GATAD2B: variants seen among roughly 807,000 people sequenced by gnomAD.
GATAD2B encodes the protein GATA zinc finger domain containing 2B.
A neutral mutation model predicts 64.3 loss-of-function variants in GATAD2B; 8 were observed. The observed-to-expected ratio is 0.12, with a 90% CI of 0.07 to 0.22. The LOEUF (loss-of-function observed/expected upper bound fraction) is 0.22. Among genes scored for constraint, GATAD2B ranks in the 10% least tolerant of loss-of-function variants. The pLI, the probability that GATAD2B is intolerant of heterozygous loss-of-function variation, is 1.00. For missense variants in GATAD2B, 453 were observed against 752.0 expected (o/e 0.60, Z 4.65); for synonymous variants, 281 against 271.3 (o/e 1.04, Z -0.35).
chr1:153,865,800 T>A (rs1348609082), intron 1 of GATAD2B, among the ~76,000 whole-genome samples: 1 of 152,128 alleles, frequency 6.6e-6, no homozygotes, highest in East Asian at 1.9e-4. Context: ...GAGGTGGACA[T>A]GACAGGGAAA....
At chr1:153,840,935 C>T (rs1306984152) in intron 1 of GATAD2B, among the ~76,000 whole-genome samples, 1 of 151,944 alleles carries the variant, frequency 6.6e-6, no homozygotes, top group Non-Finnish European at 1.5e-5. Flanking sequence ...ACCATCCTGG[C>T]TGACACGGTG....
intron 4 of GATAD2B, among the ~76,000 whole-genome samples, chr1:153,818,522 G>A (rs1255917810): frequency 1.3e-5 from 2 of 151,850 alleles, no homozygotes; most frequent in African/African-American, 4.8e-5. Flanking sequence ...CACCATGTTA[G>A]CCAGGATGCT....
chr1:153,861,872 A>G (rs1245719282), intron 1 of GATAD2B, among the ~76,000 whole-genome samples: 2 of 145,982 alleles, frequency 1.4e-5, no homozygotes, highest in Non-Finnish European at 3.0e-5. Context: ...ATGTATATAT[A>G]TGTGTATATA....
intron 1 of GATAD2B, among the ~76,000 whole-genome samples, chr1:153,838,845 C>A (rs1457674186): frequency 2.6e-5 from 4 of 152,090 alleles, no homozygotes; most frequent in African/African-American, 9.7e-5. Context: ...CACAGTGGCT[C>A]ACGCCTGTAA....
At chr1:153,847,736 T>G (rs1463347793) in intron 1 of GATAD2B, among the ~76,000 whole-genome samples, 2 of 152,196 alleles carry the variant, frequency 1.3e-5, no homozygotes, top group Non-Finnish European at 2.9e-5. Context: ...TCCCTAGAAC[T>G]CCTATGAGAT....
chr1:153,819,532 A>T (rs887855468), intron 3 of GATAD2B, 74 bp downstream of exon 3: 12 of 1,087,210 alleles, frequency 1.1e-5, no homozygotes, highest in Non-Finnish European at 1.6e-5. Context: ...CAAAAAACAG[A>T]ACTAAATCTC....
At chr1:153,908,006 T>C (rs1678000422) in intron 1 of GATAD2B, among the ~76,000 whole-genome samples, 1 of 152,196 alleles carries the variant, frequency 6.6e-6, no homozygotes, top group African/African-American at 2.4e-5. Context: ...GGTTTCACCA[T>C]GTTGCTAAGA....
chr1:153,831,698 A>G (rs1316940551), intron 1 of GATAD2B, among the ~76,000 whole-genome samples: 3 of 152,200 alleles, frequency 2.0e-5, no homozygotes, highest in Admixed American at 2.0e-4. Flanking sequence ...GAGGGACTAG[A>G]AAGTGGAGTG....
intron 7 of GATAD2B, among the ~76,000 whole-genome samples, chr1:153,815,459 T>C (rs969236588): frequency 5.9e-5 from 9 of 151,986 alleles, no homozygotes; most frequent in Non-Finnish European, 8.8e-5. Context: ...AACAATCTTT[T>C]TTTTTTTACT....
intron 8 of GATAD2B, among the ~76,000 whole-genome samples, chr1:153,812,507 G>C (rs1339381897): frequency 2.0e-5 from 3 of 152,204 alleles, no homozygotes; most frequent in African/African-American, 7.2e-5. Context: ...CTCCAGGAAA[G>C]CTGGCTCTAA....
intron 1 of GATAD2B, among the ~76,000 whole-genome samples, chr1:153,860,677 G>A (rs11583152): frequency 0.3 from 45,073 of 151,384 alleles, 6,875 homozygotes; most frequent in Admixed American, 0.39. Context: ...AATTATTTTT[G>A]AGAGACAGGG....
intron 1 of GATAD2B, among the ~76,000 whole-genome samples, chr1:153,891,574 TAAAAAAAAAAAA>T (rs1163572311): frequency 2.5e-4 from 5 of 19,946 alleles, no homozygotes; most frequent in Admixed American, 1.2e-3. Context: ...CTGTCTCGTT[TAAAAAAAAAAAA>T]AAAAAAAAAA....
chr1:153,922,438 G>C (rs988684708), intron 1 of GATAD2B, among the ~76,000 whole-genome samples: 30 of 151,224 alleles, frequency 2.0e-4, no homozygotes, highest in Non-Finnish European at 3.5e-4. Flanking sequence ...ACACGAGCTG[G>C]GGGCGCGCGA....
chr1:153,885,732 G>A (rs968444751), intron 1 of GATAD2B, among the ~76,000 whole-genome samples: 7 of 151,782 alleles, frequency 4.6e-5, no homozygotes, highest in Admixed American at 4.6e-4. Flanking sequence ...GCGTGGTGGT[G>A]GGCACCTGTA....
chr1:153,917,020 C>T (rs567321947), intron 1 of GATAD2B, among the ~76,000 whole-genome samples: 2 of 149,756 alleles, frequency 1.3e-5, no homozygotes, highest in African/African-American at 2.5e-5. Context: ...TTTGGCCAGG[C>T]GGGTCTTGAA....
At chr1:153,914,227 CAA>C (rs759245034) in intron 1 of GATAD2B, among the ~76,000 whole-genome samples, 1,340 of 65,756 alleles carry the variant, frequency 0.02, 6 homozygotes, top group Admixed American at 0.044. Flanking sequence ...CCCAGACTCT[CAA>C]AAAAAAAAAA....
chr1:153,877,225 C>T (rs1676863388), intron 1 of GATAD2B, among the ~76,000 whole-genome samples: 1 of 151,990 alleles, frequency 6.6e-6, no homozygotes, highest in African/African-American at 2.4e-5. Flanking sequence ...TATAGTCAGT[C>T]CTAGCTACTT....
intron 1 of GATAD2B, among the ~76,000 whole-genome samples, chr1:153,893,981 A>C (rs1677503108): frequency 7.2e-6 from 1 of 138,066 alleles, no homozygotes; most frequent in Non-Finnish European, 1.6e-5. Context: ...AAAAAAAAAA[A>C]ACCCAAAAAA....
intron 1 of GATAD2B, among the ~76,000 whole-genome samples, chr1:153,909,130 A>G (rs942620743): frequency 2.0e-5 from 3 of 152,170 alleles, no homozygotes; most frequent in African/African-American, 7.2e-5. Flanking sequence ...ACTTGAGCCC[A>G]GGAAGTGAGG....
Sources: allele counts gnomAD v4.1 joint callset (sites outside exome capture counted in the v4.1 genomes callset), GRCh38; gene constraint gnomAD v4.1.1; transcripts MANE v1.5; gene names NCBI Gene and HGNC (gene_info 2026-07-23, HGNC 2026-07-21).